VAV2: variants seen among roughly 807,000 people sequenced by gnomAD.
VAV2 encodes the protein vav guanine nucleotide exchange factor 2.
VAV2 carries 67 observed loss-of-function variants against 132.5 expected under a neutral mutation model. The observed-to-expected ratio is 0.51, with a 90% CI of 0.42 to 0.62. VAV2 has a LOEUF of 0.62. Ranked by LOEUF, VAV2 falls within the 20% of genes least tolerant of loss-of-function variation. The probability of loss-of-function intolerance (pLI) is 0.00; values close to 1 mark genes in which losing one functional copy is unlikely to be tolerated. For missense variants in VAV2, 938 were observed against 1,153.6 expected (o/e 0.81, Z 2.71); for synonymous variants, 492 against 443.5 (o/e 1.11, Z -1.37).
At chr9:133,980,916 C>T (rs535880422) in intron 1 of VAV2, among the ~76,000 whole-genome samples, 1 of 150,122 alleles carries the variant, frequency 6.7e-6, no homozygotes, top group East Asian at 1.9e-4. Context: ...CCTTAGCTAC[C>T]AAAAGCCATC....
Position 133,852,078 on chromosome 9 carries a change from G to A in VAV2, c.380+9296C>T, listed in dbSNP as rs1837209741. On this transcript the variant is annotated intron_variant, in intron 3 of 29. Coordinates refer to ENST00000371850, the MANE Select transcript of VAV2 (RefSeq NM_001134398.2). Reference sequence around the variant, plus strand: ...TGGATGGATAAATGAGTGACAGACGGGCTGATGAGTGGACAGATGGACAAA... The same window carrying A: ...TGGATGGATAAATGAGTGACAGACGAGCTGATGAGTGGACAGATGGACAAA... 2.0e-5 allele frequency among the ~76,000 whole-genome samples: 3 copies of A among 152,124 alleles called. No homozygotes were observed. In the South Asian group the frequency reaches 6.2e-4, roughly 32 times the overall value.
At position 133,763,962 on chromosome 9, in the gene VAV2, T is replaced by C; in HGVS notation, c.*100A>G. ...CTGTGGGCAGTGGAAGACTGGGAGG[T>C]TGGTATTTCCCCTCTGAGTCACAGA... On this transcript the variant is annotated 3_prime_UTR_variant, in exon 30 of 30. Transcript: ENST00000371850. This position sits in a 1 kb window ranked among gnomAD's most constrained non-coding sequence, Gnocchi z 6.8. 1 of 1,405,152 alleles carries C rather than the reference T, an allele frequency of 7.1e-7. No individual in the cohort carries two copies. The allele number at this position is 1,405,152 out of a possible 1,614,324, so 87.0% of individuals were successfully genotyped here. A position where few individuals can be genotyped will look rare whatever the true frequency, so the allele number is the denominator to read the frequency against.
At chr9:133,798,738 C>T (rs756181401) in intron 9 of VAV2, among the ~76,000 whole-genome samples, 18 of 152,258 alleles carry the variant, frequency 1.2e-4, no homozygotes, top group Non-Finnish European at 2.4e-4. Flanking sequence ...GCCAGGTGCT[C>T]TGCCGACAAG....
intron 13 of VAV2, among the ~76,000 whole-genome samples, chr9:133,789,860 A>G (rs1462172544): frequency 6.6e-6 from 1 of 152,236 alleles, no homozygotes; most frequent in Non-Finnish European, 1.5e-5. Flanking sequence ...TGATTCAGAG[A>G]GAGCTTCTCT....
Position 133,924,091 on chromosome 9 carries a change from T to C in VAV2, c.321+15012A>G, listed in dbSNP as rs148368730. On this transcript the variant is annotated intron_variant, in intron 2 of 29. Coordinates refer to ENST00000371850, the MANE Select transcript of VAV2 (RefSeq NM_001134398.2). ...ACCAACAGGCACATGTATACCTATG[T>C]ATCAAACCTGCAGATTGTGCACATG... Among the ~76,000 whole-genome samples, 811 of 152,330 alleles carry C rather than the reference T, an allele frequency of 5.3e-3. 13 individuals carry two copies. Among genetic ancestry groups the C allele is most frequent in the African/African-American group, 0.018 (767 of 41,564 alleles).
At position 133,826,119 on chromosome 9, in the gene VAV2, T is replaced by C. The variant is rs539459380; in HGVS notation, c.449+8153A>G. 1.2e-4 allele frequency among the ~76,000 whole-genome samples: 19 copies of C among 152,286 alleles called. No individual in the cohort carries two copies. The highest frequency in any genetic ancestry group is 1.2e-3 in the South Asian group (6 of 4,824). On this transcript the variant is annotated intron_variant, in intron 4 of 29. Coordinates refer to ENST00000371850, the MANE Select transcript of VAV2 (RefSeq NM_001134398.2). The surrounding 1 kb of genome is among the most constrained non-coding windows in gnomAD (Gnocchi z 4.2). ...CAAAGCAGGCTCCTAAATCATAAAA[T>C]TGTGGATTCCTCAAGCTCAGTGGGA...
intron 4 of VAV2, among the ~76,000 whole-genome samples, chr9:133,828,725 G>GT (rs1564386520): frequency 6.6e-6 from 1 of 152,196 alleles, no homozygotes; most frequent in Admixed American, 6.5e-5. Flanking sequence ...ATTCTGATTC[G>GT]TTACAAACAC....
rs1026261535 is a variant in VAV2 at position 133,802,565 on chromosome 9, C to G, written c.836+3516G>C. 6.6e-6 allele frequency among the ~76,000 whole-genome samples: 1 copy of G among 152,240 alleles called. No individual in the cohort carries two copies. Among genetic ancestry groups the G allele is most frequent in the Non-Finnish European group, 1.5e-5 (1 of 68,038 alleles). On this transcript the variant is annotated intron_variant, in intron 9 of 29. Coordinates refer to ENST00000371850, the MANE Select transcript of VAV2 (RefSeq NM_001134398.2). This position sits in a 1 kb window ranked among gnomAD's most constrained non-coding sequence, Gnocchi z 5.8. ...CAGCATCCTGCCCGACCTCCCCTCTCTGCTGACAAGGTATGTGGTTCCCTT... is the reference window on the plus strand; with the variant it reads ...CAGCATCCTGCCCGACCTCCCCTCTGTGCTGACAAGGTATGTGGTTCCCTT...
intron 21 of VAV2, among the ~76,000 whole-genome samples, 172 bp downstream of exon 21, chr9:133,779,746 T>C (rs1444486056): frequency 6.6e-6 from 1 of 151,826 alleles, no homozygotes; most frequent in Non-Finnish European, 1.5e-5. Flanking sequence ...CCCAAGGAGG[T>C]GCCATAGAGG....
At chr9:133,839,677 C>T (rs1250952805) in intron 3 of VAV2, among the ~76,000 whole-genome samples, 1 of 152,128 alleles carries the variant, frequency 6.6e-6, no homozygotes, top group Admixed American at 6.5e-5. Flanking sequence ...TCTCAAACTC[C>T]TGACCTCGTG....
At position 133,928,294 on chromosome 9, in the gene VAV2, G is replaced by A. The variant is rs972699672; in HGVS notation, c.321+10809C>T. On this transcript the variant is annotated intron_variant, in intron 2 of 29. Transcript: ENST00000371850. The surrounding 1 kb of genome is among the most constrained non-coding windows in gnomAD (Gnocchi z 5.4). Reference sequence around the variant, plus strand: ...ATCTGAAAGTGGGTGGGTGAATAACGTCCTGAAATGACAACAACTAGCAGA... The same window carrying A: ...ATCTGAAAGTGGGTGGGTGAATAACATCCTGAAATGACAACAACTAGCAGA... 1.3e-5 allele frequency among the ~76,000 whole-genome samples: 2 copies of A among 152,110 alleles called. No homozygotes were observed. Among genetic ancestry groups the A allele is most frequent in the African/African-American group, 2.4e-5 (1 of 41,414 alleles).
chr9:133,913,279 G>A (rs1388130383), intron 2 of VAV2, among the ~76,000 whole-genome samples: 1 of 152,170 alleles, frequency 6.6e-6, no homozygotes, highest in Non-Finnish European at 1.5e-5. Context: ...ATAAAAACAC[G>A]CGTTGCCACC....
At chr9:133,858,191 C>T (rs973768361) in intron 3 of VAV2, among the ~76,000 whole-genome samples, 5 of 152,162 alleles carry the variant, frequency 3.3e-5, no homozygotes, top group African/African-American at 1.2e-4. Context: ...AGGCGTTGGG[C>T]CACGCAGCGT....
Position 133,991,933 on chromosome 9 carries a change from CAGCCGCCCGCCCGCGTCCCGGA to C in VAV2, c.204+120_204+141del. 1 of 630,044 alleles carries C rather than the reference CAGCCGCCCGCCCGCGTCCCGGA, an allele frequency of 1.6e-6. No individual in the cohort carries two copies. The highest frequency in any genetic ancestry group is 2.0e-5 in the African/African-American group (1 of 49,992). The allele number at this position is 630,044 out of a possible 1,614,324, so 39.0% of individuals were successfully genotyped here. ...TCTCGGAGGCCCGGGGCGCACCCTCCAGCCGCCCGCCCGCGTCCCGGAGCCCGGCCGCCCCAGCCAGGGCGCC... is the reference window on the plus strand; with the variant it reads ...TCTCGGAGGCCCGGGGCGCACCCTCCGCCCGGCCGCCCCAGCCAGGGCGCC... On this transcript the variant is annotated intron_variant, in intron 1 of 29. Coordinates refer to ENST00000371850, the MANE Select transcript of VAV2 (RefSeq NM_001134398.2). The surrounding 1 kb of genome is among the most constrained non-coding windows in gnomAD (Gnocchi z 4.8).
chr9:133,992,013 T>C lies in VAV2; in HGVS notation c.204+62A>G. 1 of 1,374,904 alleles carries C rather than the reference T, an allele frequency of 7.3e-7. No homozygotes were observed. Among genetic ancestry groups the C allele is most frequent in the South Asian group, 1.5e-5 (1 of 65,366 alleles). The allele number at this position is 1,374,904 out of a possible 1,614,324, so 85.2% of individuals were successfully genotyped here. A position where few individuals can be genotyped will look rare whatever the true frequency, so the allele number is the denominator to read the frequency against. On this transcript the variant is annotated intron_variant, in intron 1 of 29. Transcript: ENST00000371850. This position sits in a 1 kb window ranked among gnomAD's most constrained non-coding sequence, Gnocchi z 5.5. ...CCGCCGCTGCGACCTCCGCGTTCAG[T>C]CCGCGCGTCGGGCAGCGCGAACGCC...
intron 3 of VAV2, among the ~76,000 whole-genome samples, chr9:133,838,830 A>T (rs1434479319): frequency 1.3e-5 from 1 of 75,408 alleles, no homozygotes; most frequent in South Asian, 5.1e-4. Flanking sequence ...TAGGTTGGTG[A>T]GTGGGTTGGT....
At chr9:133,781,957 G>A (rs76442547) in intron 19 of VAV2, among the ~76,000 whole-genome samples, 12,047 of 152,218 alleles carry the variant, frequency 0.079, 544 homozygotes, top group South Asian at 0.11. Context: ...GCGGGTGTGC[G>A]CGTCTGCAGA....
At chr9:133,808,491 AAGGCTG>A (rs1835238916) in intron 7 of VAV2, among the ~76,000 whole-genome samples, 1 of 152,144 alleles carries the variant, frequency 6.6e-6, no homozygotes, top group African/African-American at 2.4e-5. Context: ...AGGGGAGGTG[AAGGCTG>A]ATCCTCAGCA....
At chr9:133,913,452 C>T (rs542056547) in intron 2 of VAV2, among the ~76,000 whole-genome samples, 38 of 152,300 alleles carry the variant, frequency 2.5e-4, no homozygotes, top group African/African-American at 8.9e-4. Context: ...TGCCCCACTC[C>T]GGAGGCTTCT....
Sources: allele counts gnomAD v4.1 joint callset (sites outside exome capture counted in the v4.1 genomes callset), GRCh38; gene constraint gnomAD v4.1.1; non-coding constraint Gnocchi (gnomAD v3.1); transcripts MANE v1.5; gene names NCBI Gene and HGNC (gene_info 2026-07-23, HGNC 2026-07-21).